Variants in SAMMSON observed in about 807,000 individuals in gnomAD.
The protein encoded by SAMMSON is survival associated mitochondrial melanoma specific oncogenic non-coding RNA.
chr3:70,117,949 G>A (rs958388316), intron 4 of SAMMSON, among the ~76,000 whole-genome samples: 16 of 151,538 alleles, frequency 1.1e-4, no homozygotes, highest in Admixed American at 2.6e-4. Context: ...ACGGAGTCTC[G>A]CTCTGTTGCC....
intron 4 of SAMMSON, among the ~76,000 whole-genome samples, chr3:70,232,714 G>C (rs1559540986): frequency 1.3e-5 from 2 of 152,124 alleles, no homozygotes; most frequent in South Asian, 2.1e-4. Flanking sequence ...GAGGTAATTA[G>C]TCACAATAAT....
At chr3:70,258,725 G>A (rs1701840201) in intron 6 of SAMMSON, among the ~76,000 whole-genome samples, 1 of 152,046 alleles carries the variant, frequency 6.6e-6, no homozygotes, top group Admixed American at 6.5e-5. Context: ...GTTTTTAATA[G>A]CGAAAACTTT....
chr3:70,209,294 A>G (rs769964649), intron 4 of SAMMSON, among the ~76,000 whole-genome samples: 2 of 152,036 alleles, frequency 1.3e-5, no homozygotes, highest in Non-Finnish European at 1.5e-5. Context: ...CCTCTAGCTC[A>G]TGACAATGAA....
chr3:70,248,191 A>G (rs2106648310), intron 4 of SAMMSON, among the ~76,000 whole-genome samples: 1 of 152,216 alleles, frequency 6.6e-6, no homozygotes, highest in East Asian at 1.9e-4. Context: ...ATGAGTAAGT[A>G]AATAATTGCA....
chr3:70,280,368 G>C (rs1463450379), intron 6 of SAMMSON, among the ~76,000 whole-genome samples: 2 of 152,106 alleles, frequency 1.3e-5, no homozygotes, highest in African/African-American at 4.8e-5. Flanking sequence ...ACAGGTTCCA[G>C]GAATCAGGAC....
At chr3:70,304,673 C>A (rs551867874) in intron 7 of SAMMSON, among the ~76,000 whole-genome samples, 1 of 152,134 alleles carries the variant, frequency 6.6e-6, no homozygotes, top group African/African-American at 2.4e-5. Flanking sequence ...GTATCCTATC[C>A]CAGTTACCAT....
At chr3:70,108,883 G>A (rs928954257) in intron 4 of SAMMSON, among the ~76,000 whole-genome samples, 1 of 152,002 alleles carries the variant, frequency 6.6e-6, no homozygotes, top group African/African-American at 2.4e-5. Context: ...CCTGGCTATG[G>A]GTGTTTGTTA....
chr3:70,356,473 G>A (rs1005892514), intron 8 of SAMMSON, among the ~76,000 whole-genome samples: 2 of 151,494 alleles, frequency 1.3e-5, no homozygotes, highest in South Asian at 2.1e-4. Context: ...ATAAATAATC[G>A]AATATATTTT....
chr3:70,146,159 T>C lies in SAMMSON; in HGVS notation n.507+74594T>C, dbSNP rs147511489. 2.6e-5 allele frequency among the ~76,000 whole-genome samples: 4 copies of C among 152,158 alleles called. No individual in the cohort carries two copies. The East Asian group carries it at 5.8e-4, about 22-fold the overall frequency. ...AAAGTGGGTAATTTCAATAGTCTTC[T>C]ACTATTAAAGATATTGAATTCATAG... On this transcript the variant is annotated intron_variant and non_coding_transcript_variant, in intron 4 of 9. Coordinates refer to ENST00000642114, the Ensembl canonical transcript of SAMMSON.
intron 4 of SAMMSON, among the ~76,000 whole-genome samples, chr3:70,239,821 A>G (rs962865654): frequency 6.6e-6 from 1 of 152,122 alleles, no homozygotes; most frequent in Non-Finnish European, 1.5e-5. Flanking sequence ...GTGTTTCCCA[A>G]TAGTGAGTCC....
intron 7 of SAMMSON, among the ~76,000 whole-genome samples, chr3:70,306,989 A>C (rs1416923984): frequency 6.6e-6 from 1 of 152,166 alleles, no homozygotes; most frequent in Non-Finnish European, 1.5e-5. Context: ...ATATTTATAT[A>C]TATAGAGAGA....
intron 7 of SAMMSON, among the ~76,000 whole-genome samples, chr3:70,307,335 A>G (rs1702412063): frequency 2.0e-5 from 3 of 152,148 alleles, no homozygotes; most frequent in Non-Finnish European, 4.4e-5. Context: ...AAACGCTGAC[A>G]ATGCTGTGAT....
At chr3:70,100,918 T>C (rs185198972) in intron 4 of SAMMSON, among the ~76,000 whole-genome samples, 101 of 152,342 alleles carry the variant, frequency 6.6e-4, no homozygotes, top group African/African-American at 2.3e-3. Context: ...GTACATATTG[T>C]TCATATTTAG....
intron 4 of SAMMSON, among the ~76,000 whole-genome samples, chr3:70,149,108 T>G (rs1016441915): frequency 2.6e-5 from 4 of 152,076 alleles, no homozygotes; most frequent in Non-Finnish European, 4.4e-5. Flanking sequence ...GTTCTGAAAA[T>G]TGTTTCTCAG....
chr3:70,418,572 A>G (rs1559585381), intron 2 of SAMMSON, among the ~76,000 whole-genome samples: 1 of 152,118 alleles, frequency 6.6e-6, no homozygotes, highest in Non-Finnish European at 1.5e-5. Context: ...CTGCCACTTT[A>G]TCTTCTCCCA....
chr3:70,168,569 C>T (rs1294306381), intron 4 of SAMMSON, among the ~76,000 whole-genome samples: 1 of 151,890 alleles, frequency 6.6e-6, no homozygotes, highest in African/African-American at 2.4e-5. Flanking sequence ...ATCAGAAAAG[C>T]CTAAAAGAAC....
At chr3:70,286,976 C>G (rs2106688085) in intron 6 of SAMMSON, among the ~76,000 whole-genome samples, 1 of 149,964 alleles carries the variant, frequency 6.7e-6, no homozygotes, top group South Asian at 2.2e-4. Context: ...ATGGCGTTTT[C>G]TAGATATAAA....
At chr3:70,277,908 C>G (rs551618831) in intron 6 of SAMMSON, among the ~76,000 whole-genome samples, 2 of 152,002 alleles carry the variant, frequency 1.3e-5, no homozygotes, top group Non-Finnish European at 2.9e-5. Flanking sequence ...TGATTGAGAC[C>G]CTACTGGCCA....
chr3:70,019,426 A>G (rs1271085187), intron 3 of SAMMSON, among the ~76,000 whole-genome samples: 1 of 151,814 alleles, frequency 6.6e-6, no homozygotes, highest in South Asian at 2.1e-4. Context: ...TTTGTTTTAC[A>G]TTTGCTTGGT....
Sources: gnomAD v4.1 joint callset for allele counts (sites outside exome capture counted in the v4.1 genomes callset) on GRCh38, gnomAD v4.1.1 for gene constraint, MANE v1.5 for transcripts, NCBI Gene and HGNC (gene_info 2026-07-23, HGNC 2026-07-21) for gene names.